Variants in ANKMY1 observed in about 807,000 individuals in gnomAD.
The protein encoded by ANKMY1 is ankyrin repeat and MYND domain containing 1.
ANKMY1 carries 98 observed loss-of-function variants against 102.0 expected under a neutral mutation model. The observed-to-expected ratio is 0.96, with a 90% confidence interval of 0.82 to 1.14. The LOEUF is 1.14. Among genes scored for constraint, ANKMY1 ranks in the 50% most tolerant of loss-of-function variants. The pLI is 0.00. For missense variants in ANKMY1, 1,330 were observed against 1,347.6 expected, an observed-to-expected ratio of 0.99 and a Z score of 0.20; for synonymous variants, 582 against 559.9, an observed-to-expected ratio of 1.04 and a Z score of -0.56.
intron 4 of ANKMY1, among the ~76,000 whole-genome samples, chr2:240,544,227 T>G (rs1475119454): frequency 6.6e-6 from 1 of 152,124 alleles, no homozygotes; most frequent in African/African-American, 2.4e-5. Context: ...AGAAATCTTG[T>G]GCGGTAAATT....
chr2:240,512,824 T>A lies in ANKMY1; in HGVS notation c.2123A>T (p.Asp708Val), dbSNP rs756191687. ...TDVDAKASDEDDTYKPGKLDL... is the reference protein window; with the variant it reads ...TDVDAKASDEVDTYKPGKLDL... ...CACCTTGCCGGGCTTGTAAGTGTCG[T>A]CCTCGTCGGATGCCTTGGCGTCCAC... Residue 708 changes from aspartate (D) to valine (V), a missense_variant, in exon 10 of 18, where the codon GAC (aspartate) becomes GTC (valine). Asp to Val is a radical substitution (Grantham distance 152, BLOSUM62 -3). Transcript: ENST00000401804. 2 of 1,613,892 alleles carry A rather than the reference T, an allele frequency of 1.2e-6. No homozygotes were observed. The highest frequency in any genetic ancestry group is 1.7e-6 in the Non-Finnish European group (2 of 1,179,906).
rs2083339860 is a variant in ANKMY1, at chr2:240,526,126, C to T, written c.1170+103G>A. ...TGTGGACAATCAGTGTCCCCATGTA[C>T]CTCAGCTCTGCTCCTGCAGAGGGGG... On this transcript the variant is annotated intron_variant, in intron 6 of 17. Coordinates refer to ENST00000401804, the MANE Select transcript of ANKMY1 (RefSeq NM_001282771.3). The T allele has an allele frequency of 1.0e-5, 14 of 1,385,762 alleles. No individual in the cohort carries two copies. In the South Asian group the frequency reaches 1.6e-4, roughly 16 times the overall value. 85.8% of individuals were successfully genotyped at this position (1,385,762 alleles called of 1,614,324 possible).
In ANKMY1 at chr2:240,529,253, C is replaced by A. The variant is rs749209005; in HGVS notation, c.737G>T (p.Arg246Leu). 3 of 1,613,998 alleles carry A rather than the reference C, an allele frequency of 1.9e-6. No individual in the cohort carries two copies. Among genetic ancestry groups the A allele is most frequent in the Non-Finnish European group, 2.5e-6 (3 of 1,180,026 alleles). ...GQDPFFYDYKRFLLNDNLTLP... is the reference protein window; with the variant it reads ...GQDPFFYDYKLFLLNDNLTLP... The stretch of plus-strand genomic sequence containing the variant: ...CGTTAGGTTGTCATTCAGAAGAAAC[C>A]GCTTATAGTCATAGAAAAAGGGATC... Residue 246 changes from arginine to leucine, a missense_variant, in exon 5 of 18, where the codon CGG becomes CTG. Arg to Leu is a moderately radical substitution (Grantham distance 102). Transcript: ENST00000401804. The surrounding 1 kb of genome is among the most constrained non-coding windows in gnomAD (Gnocchi z 4.2).
At chr2:240,493,159 T>TA (rs961171987) in intron 15 of ANKMY1, among the ~76,000 whole-genome samples, 2 of 64,098 alleles carry the variant, frequency 3.1e-5, no homozygotes, top group African/African-American at 1.3e-4. Context: ...CCATCTCTAC[T>TA]AAAAATACAA....
chr2:240,551,646 C>G (rs1045817908), intron 4 of ANKMY1, among the ~76,000 whole-genome samples: 3 of 152,206 alleles, frequency 2.0e-5, no homozygotes, highest in African/African-American at 7.2e-5. Context: ...GAAGAAAACT[C>G]TATTTAGATT....
At chr2:240,533,850 A>G (rs923479365) in intron 4 of ANKMY1, among the ~76,000 whole-genome samples, 6 of 152,236 alleles carry the variant, frequency 3.9e-5, no homozygotes. Flanking sequence ...GGTTGAAAGT[A>G]AAGTTACAGA....
rs139041691 is a variant in ANKMY1 at position 240,510,885 on chromosome 2, G to T, written c.2286+976C>A. ...CAGGACACAAGTGTGCGAACAGAAA[G>T]CCCTGTGTTCACTGCCCAGGCCTCG... On this transcript the variant is annotated intron_variant, in intron 11 of 17. Transcript: ENST00000401804. 1.3e-3 allele frequency among the ~76,000 whole-genome samples: 204 copies of T among 151,366 alleles called. 1 individual carries two copies. The highest frequency in any genetic ancestry group is 4.8e-3 in the African/African-American group (197 of 41,176).
At position 240,479,553 on chromosome 2, in the gene ANKMY1, TAAG is replaced by T. The variant is rs201744727; in HGVS notation, c.*53_*55del. The T allele has an allele frequency of 0.016, 25,889 of 1,595,536 alleles. 281 individuals are homozygous for T. The highest frequency in any genetic ancestry group is 0.021 in the South Asian group (1,865 of 90,526). On this transcript the variant is annotated 3_prime_UTR_variant, in exon 18 of 18. Coordinates refer to ENST00000401804, the MANE Select transcript of ANKMY1 (RefSeq NM_001282771.3). ...GATTCCCTGAGGTGGCTCAGGCAGGTAAGAAACCCACACAGTCCTGGGTCCTCC... is the reference window on the plus strand; with the variant it reads ...GATTCCCTGAGGTGGCTCAGGCAGGTAAACCCACACAGTCCTGGGTCCTCC...
the ANKMY1 span, among the ~76,000 whole-genome samples, chr2:240,470,716 A>C: frequency 6.6e-6 from 1 of 152,190 alleles, no homozygotes; most frequent in African/African-American, 2.4e-5. Flanking sequence ...AAACAGGAGG[A>C]AACACTGGGA....
At chr2:240,505,232 C>T (rs1480362787) in intron 13 of ANKMY1, among the ~76,000 whole-genome samples, 6 of 151,888 alleles carry the variant, frequency 4.0e-5, no homozygotes, top group Non-Finnish European at 7.4e-5. Flanking sequence ...GAGGCTGAGG[C>T]GGGCGGATCA....
At position 240,523,942 on chromosome 2, in the gene ANKMY1, G is replaced by A. The variant is rs375244218; in HGVS notation, c.1775C>T (p.Pro592Leu). 63 of 1,613,648 alleles carry A rather than the reference G, an allele frequency of 3.9e-5. No homozygotes were observed. The highest frequency in any genetic ancestry group is 4.7e-5 in the Non-Finnish European group (55 of 1,180,048). ...HSLLKMASPS[P>L]CTSSFDKGTM... Reference sequence around the variant, plus strand: ...CCCTTTGTCGAAGCTGCTGGTGCACGGTGAGGGCGAGGCCATCTTCAGCAA... The same window carrying A: ...CCCTTTGTCGAAGCTGCTGGTGCACAGTGAGGGCGAGGCCATCTTCAGCAA... Residue 592 changes from proline (P) to leucine (L), a missense_variant, in exon 8 of 18, where the codon CCG (proline) becomes CTG (leucine). By Grantham distance (98) the Pro-to-Leu change is moderately conservative. Transcript: ENST00000401804.
chr2:240,524,070 A>G lies in ANKMY1; in HGVS notation c.1647T>C (p.Ser549=), dbSNP rs770522265. The G allele has an allele frequency of 1.9e-6, 3 of 1,614,072 alleles. No individual in the cohort carries two copies. The South Asian group carries it at 3.3e-5, about 18-fold the overall frequency. The stretch of plus-strand genomic sequence containing the variant: ...CAAATTTCGTCTCAGCACTGCACAG[A>G]CTGCCCCGGTCTGTGTTTCCCAACA... ...EDVLGNTDRG[S]LCSAETKFES... The change falls in exon 8 of 18, where the codon AGT becomes AGC. Residue 549 remains serine, a synonymous_variant. Transcript: ENST00000401804.
intron 4 of ANKMY1, among the ~76,000 whole-genome samples, chr2:240,534,519 C>G (rs1273794601): frequency 6.6e-6 from 1 of 150,972 alleles, no homozygotes; most frequent in African/African-American, 2.4e-5. Flanking sequence ...GGAGGATCAC[C>G]TGAGCCCAGG....
At position 240,527,259 on chromosome 2, in the gene ANKMY1, T is replaced by G. The variant is rs1279939571; in HGVS notation, c.954-814A>C. 10 of 24,190 alleles carry G rather than the reference T, an allele frequency of 4.1e-4. No homozygotes were observed. The Admixed American group carries it at 4.6e-3, about 11-fold the overall frequency. The allele number at this position is 24,190 out of a possible 1,614,324, so 1.5% of individuals were successfully genotyped here. On this transcript the variant is annotated intron_variant, in intron 5 of 17. Transcript: ENST00000401804. ...GATGGGTGGGTGGATGGATGAAAGA[T>G]GCATGAATAGATTGATAGATGGATA...
At chr2:240,511,674 G>A (rs956939911) in intron 11 of ANKMY1, among the ~76,000 whole-genome samples, 187 bp downstream of exon 11, 14 of 152,238 alleles carry the variant, frequency 9.2e-5, no homozygotes, top group Non-Finnish European at 1.5e-4. Context: ...GCAGGCGTGC[G>A]TGTGTGCATG....
chr2:240,497,523 T>C (rs2077418926), intron 15 of ANKMY1, among the ~76,000 whole-genome samples: 1 of 152,240 alleles, frequency 6.6e-6, no homozygotes, highest in Admixed American at 6.5e-5. Context: ...TTTTATTGAA[T>C]AAATGTTTCT....
rs150964422 is a variant in ANKMY1, at chr2:240,520,315, G to A, written c.2004+47C>T. 2.5e-3 allele frequency: 3,718 copies of A among 1,499,636 alleles called. 10 individuals are homozygous for A. Among genetic ancestry groups the A allele is most frequent in the Non-Finnish European group, 3.0e-3 (3,371 of 1,118,402 alleles). 92.9% of individuals were successfully genotyped at this position (1,499,636 alleles called of 1,614,324 possible). On this transcript the variant is annotated intron_variant, in intron 9 of 17. Coordinates refer to ENST00000401804, the MANE Select transcript of ANKMY1 (RefSeq NM_001282771.3). The surrounding 1 kb of genome is among the most constrained non-coding windows in gnomAD (Gnocchi z 4.8). Reference sequence around the variant, plus strand: ...GCGAGGAGCTTCCCGGCCAGTGCCCGGGAGTCTGCTGCGCTCGTCCCGGCG... The same window carrying A: ...GCGAGGAGCTTCCCGGCCAGTGCCCAGGAGTCTGCTGCGCTCGTCCCGGCG...
At chr2:240,515,648 C>T (rs1435957270) in intron 9 of ANKMY1, among the ~76,000 whole-genome samples, 1 of 152,166 alleles carries the variant, frequency 6.6e-6, no homozygotes, top group East Asian at 1.9e-4. Flanking sequence ...TTAAAATTAG[C>T]TTTAACATTC....
chr2:240,499,298 G>C lies in ANKMY1; in HGVS notation c.2806+660C>G, dbSNP rs1457602443. Among the ~76,000 whole-genome samples the C allele has an allele frequency of 6.8e-6, 1 of 146,228 alleles. No homozygotes were observed. Among genetic ancestry groups the C allele is most frequent in the Non-Finnish European group, 1.5e-5 (1 of 66,160 alleles). ...GTGTAAGTGGGTCTGTGTGTGCGAG[G>C]TAGACAAGAGTAGGTAAATGTGAGG... On this transcript the variant is annotated intron_variant, in intron 15 of 17. Transcript: ENST00000401804. The surrounding 1 kb of genome is among the most constrained non-coding windows in gnomAD (Gnocchi z 4.2).
Sources: allele counts gnomAD v4.1 joint callset (sites outside exome capture counted in the v4.1 genomes callset), GRCh38; gene constraint gnomAD v4.1.1; non-coding constraint Gnocchi (gnomAD v3.1); transcripts MANE v1.5; gene names NCBI Gene and HGNC (gene_info 2026-07-23, HGNC 2026-07-21).